PIGB: variants seen among roughly 807,000 people sequenced by gnomAD.
PIGB encodes phosphatidylinositol glycan anchor biosynthesis class B, also known as GPI alpha-1,2-mannosyltransferase 3.
Under a neutral mutation model 68.4 loss-of-function variants are expected in PIGB, and 58 were observed. The observed-to-expected ratio is 0.85, with a 90% CI of 0.69 to 1.06. The LOEUF (loss-of-function observed/expected upper bound fraction) is 1.06. Among genes scored for constraint, PIGB ranks in the 50% least tolerant of loss-of-function variants. PIGB has a pLI of 0.00. For synonymous variants in PIGB, 219 were observed against 220.5 expected, an observed-to-expected ratio of 0.99 and a Z score of 0.06; for missense variants, 634 against 655.8, an observed-to-expected ratio of 0.97 and a Z score of 0.36.
chr15:55,339,291 G>A lies in PIGB; in HGVS notation c.819G>A (p.Leu273=), dbSNP rs2055609325. 6.4e-7 allele frequency: 1 copy of A among 1,553,198 alleles called. No homozygotes were observed. The highest frequency in any genetic ancestry group is 8.7e-7 in the Non-Finnish European group (1 of 1,147,580). ...GCTTTGTTACTTTGAGTTTGTCTCT[G>A]ATGATTGATCGTATTTTTTTTGGCC... is the stretch of plus-strand genomic sequence containing the variant. ...PVGFVTLSLS[L]MIDRIFFGQW... The change falls in exon 7 of 12, where the codon CTG becomes CTA. Residue 273 remains leucine (L), a synonymous_variant. Transcript: ENST00000164305.
chr15:55,349,996 CTATT>C (rs1242299972), intron 9 of PIGB: 2 of 152,154 alleles, frequency 1.3e-5, no homozygotes, highest in African/African-American at 4.8e-5. Context: ...TTATACCCGT[CTATT>C]CATTCTACTT....
rs1179273438 is a variant in PIGB, at chr15:55,355,449, T to A, written c.*17T>A. 1 of 1,592,618 alleles carries A rather than the reference T, an allele frequency of 6.3e-7. No homozygotes were observed. Reference sequence around the variant, plus strand: ...AAATTCTGAACTTTCCTAGATAAATTAACATTGCTGGGTGGAAATATTCAG... The same window carrying A: ...AAATTCTGAACTTTCCTAGATAAATAAACATTGCTGGGTGGAAATATTCAG... On this transcript the variant is annotated 3_prime_UTR_variant, in exon 12 of 12. Coordinates refer to ENST00000164305, the MANE Select transcript of PIGB (RefSeq NM_004855.5).
intron 9 of PIGB, among the ~76,000 whole-genome samples, chr15:55,346,159 AT>A (rs2055789622): frequency 1.3e-5 from 2 of 152,342 alleles, no homozygotes; most frequent in East Asian, 1.9e-4. Flanking sequence ...GATATCCAAA[AT>A]TTTTAAAGTG....
rs1331536611 is a variant in PIGB at position 55,354,948 on chromosome 15, T to C, written c.1488T>C (p.Thr496=). The change falls in exon 11 of 12, where the codon ACT becomes ACC. Residue 496 remains threonine (T), a synonymous_variant. Coordinates refer to ENST00000164305, the MANE Select transcript of PIGB (RefSeq NM_004855.5). Reference sequence around the variant, plus strand: ...TTCATGATGATGCATCATTGCCTACTCACTTGATCACCTTCAGCATTTTGG... The same window carrying C: ...TTCATGATGATGCATCATTGCCTACCCACTTGATCACCTTCAGCATTTTGG... ...REFHDDASLP[T]HLITFSILEE... is the part of the protein sequence containing the mutation. 2 of 1,612,558 alleles carry C rather than the reference T, an allele frequency of 1.2e-6. No homozygotes were observed. Among genetic ancestry groups the C allele is most frequent in the Admixed American group, 1.7e-5 (1 of 59,766 alleles).
In PIGB at chr15:55,324,448, G is replaced by A. The variant is rs182991500; in HGVS notation, c.417+3058G>A. On this transcript the variant is annotated intron_variant, in intron 3 of 11. Transcript: ENST00000164305. ...AGTTCAGAACTCCGCTTATTGTTAT[G>A]CGAAAGTCTACTTTGTTTTAAATTC... Among the ~76,000 whole-genome samples the A allele has an allele frequency of 8.6e-3, 1,305 of 152,270 alleles. 11 individuals carry two copies. Among genetic ancestry groups the A allele is most frequent in the Middle Eastern group, 0.02 (6 of 294 alleles).
intron 9 of PIGB, among the ~76,000 whole-genome samples, chr15:55,348,954 T>C (rs2055864502): frequency 6.6e-6 from 1 of 152,204 alleles, no homozygotes; most frequent in African/African-American, 2.4e-5. Flanking sequence ...ATCCTATTTT[T>C]TAATTTATTT....
At chr15:55,327,700 G>A in intron 4 of PIGB, 65 bp downstream of exon 4, 3 of 898,306 alleles carry the variant, frequency 3.3e-6, no homozygotes, top group Admixed American at 2.5e-5. Flanking sequence ...TAAAGCACAT[G>A]GAAACATTGA....
At chr15:55,330,729 C>T (rs2055394840) in intron 5 of PIGB, among the ~76,000 whole-genome samples, 1 of 152,094 alleles carries the variant, frequency 6.6e-6, no homozygotes, top group African/African-American at 2.4e-5. Flanking sequence ...TTTGTAATAG[C>T]AGTATTTAGG....
At chr15:55,353,103 G>C (rs954072397) in intron 10 of PIGB, among the ~76,000 whole-genome samples, 1 of 152,174 alleles carries the variant, frequency 6.6e-6, no homozygotes, top group Non-Finnish European at 1.5e-5. Flanking sequence ...AGGAATCCTA[G>C]ATGTACCAAG....
chr15:55,351,827 G>A (rs1198211169), intron 10 of PIGB: 1 of 432 alleles, frequency 2.3e-3, no homozygotes, highest in Non-Finnish European at 0.017. Flanking sequence ...AGCCGAGATT[G>A]CACCAGGTGC....
chr15:55,342,776 T>C (rs1261018636), intron 9 of PIGB, among the ~76,000 whole-genome samples: 1 of 152,254 alleles, frequency 6.6e-6, no homozygotes, highest in Non-Finnish European at 1.5e-5. Flanking sequence ...ACATGTATTT[T>C]TTTGTCACTT....
At chr15:55,322,777 C>G (rs190071433) in intron 3 of PIGB, among the ~76,000 whole-genome samples, 1 of 152,292 alleles carries the variant, frequency 6.6e-6, no homozygotes, top group Non-Finnish European at 1.5e-5. Context: ...AGCAGAGTTT[C>G]TTCCATTAAC....
intron 9 of PIGB, among the ~76,000 whole-genome samples, chr15:55,343,972 TG>T (rs1388029579): frequency 1.3e-5 from 2 of 152,216 alleles, no homozygotes; most frequent in African/African-American, 4.8e-5. Flanking sequence ...CAGTTCTCTT[TG>T]GAGCTCTTGA....
chr15:55,329,077 C>A (rs1004971614), intron 4 of PIGB, among the ~76,000 whole-genome samples: 1 of 152,204 alleles, frequency 6.6e-6, no homozygotes, highest in Non-Finnish European at 1.5e-5. Flanking sequence ...GTGCCACATG[C>A]TTAACAATTG....
chr15:55,320,988 T>C (rs1450430494), intron 2 of PIGB, among the ~76,000 whole-genome samples: 1 of 152,228 alleles, frequency 6.6e-6, no homozygotes, highest in African/African-American at 2.4e-5. Context: ...AAAAACACAT[T>C]ACTGCCTTGA....
intron 6 of PIGB, among the ~76,000 whole-genome samples, chr15:55,335,202 G>A (rs1421342734): frequency 6.6e-6 from 1 of 152,188 alleles, no homozygotes; most frequent in Non-Finnish European, 1.5e-5. Flanking sequence ...TTTGCACAAT[G>A]ATGAAACTGC....
intron 11 of PIGB, 118 bp from the exon 12 acceptor site, chr15:55,355,168 A>G: frequency 1.1e-6 from 1 of 939,954 alleles, no homozygotes. Context: ...CTATAAGTTA[A>G]TTCTTTTATT....
intron 6 of PIGB, among the ~76,000 whole-genome samples, chr15:55,337,370 C>A (rs2055561196): frequency 6.6e-6 from 1 of 152,208 alleles, no homozygotes; most frequent in South Asian, 2.1e-4. Context: ...AGTCCATGGC[C>A]TCTTAGGAAC....
intron 4 of PIGB, among the ~76,000 whole-genome samples, chr15:55,328,802 C>T (rs2055347438): frequency 6.6e-6 from 1 of 152,118 alleles, no homozygotes; most frequent in Non-Finnish European, 1.5e-5. Flanking sequence ...CCTGTCTCTA[C>T]TAAAAATACA....
Sources: gnomAD v4.1 joint callset for allele counts (sites outside exome capture counted in the v4.1 genomes callset) on GRCh38, gnomAD v4.1.1 for gene constraint, MANE v1.5 for transcripts, NCBI Gene and HGNC (gene_info 2026-07-23, HGNC 2026-07-21) for gene names.